The following TKFC variants were observed in gnomAD, a reference collection of about 807,000 sequenced individuals.
TKFC encodes triokinase and FMN cyclase, also known as triokinase/FMN cyclase.
A neutral mutation model predicts 61.0 loss-of-function variants in TKFC; 46 were observed. That is an observed-to-expected ratio of 0.75 (90% CI 0.60 to 0.96). The LOEUF (loss-of-function observed/expected upper bound fraction) is 0.96, where lower values mean the gene tolerates loss of function less well. Among genes scored for constraint, TKFC ranks in the 50% least tolerant of loss-of-function variants. The pLI is 0.00. For missense variants in TKFC, 715 were observed against 777.5 expected (o/e 0.92, Z 0.96); for synonymous variants, 314 against 330.1 (o/e 0.95, Z 0.53).
At chr11:61,342,722 G>A in intron 9 of TKFC, 33 bp from the exon 10 acceptor site, 1 of 1,613,886 alleles carries the variant, frequency 6.2e-7, no homozygotes, top group Non-Finnish European at 8.5e-7. Context: ...GACGCCCAGA[G>A]GGTCTCACCT....
intron 5 of TKFC, 134 bp downstream of exon 5, chr11:61,339,569 A>C: frequency 5.5e-5 from 57 of 1,037,182 alleles, no homozygotes; most frequent in Non-Finnish European, 7.5e-5. Flanking sequence ...CCCTGATCTC[A>C]GAAGGCCCCG....
chr11:61,339,497 G>A lies in TKFC; in HGVS notation c.486+62G>A, dbSNP rs975770381. On this transcript the variant is annotated intron_variant, in intron 5 of 17. Transcript: ENST00000394900. ...CTTTCCAGCCTTCCCTTGCCTGGCA[G>A]CACCCAGTAACTGGACCTTTCCAGC... is the stretch of plus-strand genomic sequence containing the variant. 1.4e-5 allele frequency: 22 copies of A among 1,524,112 alleles called. No homozygotes were observed. The Admixed American group carries it at 2.2e-4, about 15-fold the overall frequency. 94.4% of individuals were successfully genotyped at this position (1,524,112 alleles called of 1,614,324 possible).
Position 61,333,252 on chromosome 11 carries a change from A to G in TKFC, c.-187A>G. 1 of 313,080 alleles carries G rather than the reference A, an allele frequency of 3.2e-6. No homozygotes were observed. The highest frequency in any genetic ancestry group is 5.0e-5 in the Admixed American group (1 of 19,930). 19.4% of individuals were successfully genotyped at this position (313,080 alleles called of 1,614,324 possible). On this transcript the variant is annotated 5_prime_UTR_variant, in exon 1 of 18. Coordinates refer to ENST00000394900, the MANE Select transcript of TKFC (RefSeq NM_015533.4). ...CGCCAGCGCCCGCAGGACCCGGATG[A>G]GAGCGCACGCTTCGGGGTCTCCGGG...
At chr11:61,345,173 C>A in intron 13 of TKFC, 87 bp from the exon 14 acceptor site, 1 of 1,178,892 alleles carries the variant, frequency 8.5e-7, no homozygotes, top group Non-Finnish European at 1.2e-6. Flanking sequence ...CCCTGTCGGC[C>A]TTTTCCAGCC....
In TKFC at chr11:61,339,320, A is replaced by G. The variant is rs180855288; in HGVS notation, c.371A>G (p.Gln124Arg). 7.4e-6 allele frequency: 12 copies of G among 1,613,936 alleles called. No individual in the cohort carries two copies. In the East Asian group the frequency reaches 2.7e-4, roughly 36 times the overall value. Residue 124 changes from glutamine to arginine, a missense_variant, in exon 5 of 18, where the codon CAG becomes CGG. By Grantham distance (43) the Gln-to-Arg change is conservative. Transcript: ENST00000394900. ...DRLNFGLARE[Q>R]ARAEGIPVEM... ...CTCAACTTCGGCCTGGCCCGGGAGC[A>G]GGCCCGGGCTGAAGGCATCCCGGTG... is the stretch of plus-strand genomic sequence containing the variant.
chr11:61,336,708 C>T (rs1856620903), intron 2 of TKFC, among the ~76,000 whole-genome samples: 1 of 152,192 alleles, frequency 6.6e-6, no homozygotes, highest in African/African-American at 2.4e-5. Flanking sequence ...AGCCACACTC[C>T]ATTCTGGCCC....
In TKFC at chr11:61,347,471, CGAG is replaced by C; in HGVS notation, c.*970_*972del. 5 of 976,426 alleles carry C rather than the reference CGAG, an allele frequency of 5.1e-6. No individual in the cohort carries two copies. The highest frequency in any genetic ancestry group is 6.1e-6 in the Non-Finnish European group (5 of 823,168). The allele number at this position is 976,426 out of a possible 1,614,324, so 60.5% of individuals were successfully genotyped here. On this transcript the variant is annotated 3_prime_UTR_variant, in exon 18 of 18. Transcript: ENST00000394900. ...GGAGGATGGCTTGGGCCCAGGAGGT[CGAG>C]GCTGCGGTGAGCCATAAGCATGCCA...
At position 61,345,339 on chromosome 11, in the gene TKFC, G is replaced by A. The variant is rs376489836; in HGVS notation, c.1320G>A (p.Leu440=). ...QLLSKLSVLL[L]EKMGGSSGAL... ...TCTCCAAGTTGTCTGTCCTGCTCCT[G>A]GAGAAGATGGGAGGCTCATCTGGGG... is the stretch of plus-strand genomic sequence containing the variant. The change falls in exon 14 of 18, where the codon CTG becomes CTA. Residue 440 remains leucine, a synonymous_variant. Transcript: ENST00000394900. The A allele has an allele frequency of 1.7e-5, 28 of 1,604,070 alleles. No individual in the cohort carries two copies. In the African/African-American group the frequency reaches 2.9e-4, roughly 17 times the overall value.
At chr11:61,353,197 A>C, downstream of TKFC, 1 of 1,524,712 alleles carries the variant, frequency 6.6e-7, no homozygotes, top group Non-Finnish European at 8.8e-7. Flanking sequence ...AGCACATCCC[A>C]CCCCATCAGT....
chr11:61,337,096 A>G (rs1359390083), intron 2 of TKFC, among the ~76,000 whole-genome samples: 2 of 152,068 alleles, frequency 1.3e-5, no homozygotes, highest in Admixed American at 6.5e-5. Context: ...CCCACTACAC[A>G]TGGCTGTGAC....
Position 61,333,276 on chromosome 11 carries a change from G to A in TKFC, c.-163G>A. ...GAGAGCGCACGCTTCGGGGTCTCCGGGAAGTCGCGGCGCCTTCGGATGTGG... is the reference window on the plus strand; with the variant it reads ...GAGAGCGCACGCTTCGGGGTCTCCGAGAAGTCGCGGCGCCTTCGGATGTGG... On this transcript the variant is annotated 5_prime_UTR_variant, in exon 1 of 18. Coordinates refer to ENST00000394900, the MANE Select transcript of TKFC (RefSeq NM_015533.4). 1 of 265,080 alleles carries A rather than the reference G, an allele frequency of 3.8e-6. No homozygotes were observed. Among genetic ancestry groups the A allele is most frequent in the Non-Finnish European group, 7.1e-6 (1 of 141,100 alleles). The allele number at this position is 265,080 out of a possible 1,614,324, so 16.4% of individuals were successfully genotyped here.
rs1280396145 is a variant in TKFC, at chr11:61,338,037, C to CA, written c.101dup (p.His34GlnfsTer8). The CA allele has an allele frequency of 1.2e-6, 2 of 1,613,386 alleles. No homozygotes were observed. The highest frequency in any genetic ancestry group is 1.7e-6 in the Non-Finnish European group (2 of 1,179,920). On this transcript the variant is annotated frameshift_variant, in exon 3 of 18. Transcript: ENST00000394900. LOFTEE classifies it high-confidence loss of function. The stretch of plus-strand genomic sequence containing the variant: ...CCCCAACCTGCAGCTCCTGCAGGGC[C>CA]ACCGCGTGGCCCTCCGTTCTGACCT...
downstream of TKFC, chr11:61,353,177 G>T: frequency 6.4e-7 from 1 of 1,554,594 alleles, no homozygotes; most frequent in Non-Finnish European, 8.7e-7. Flanking sequence ...ACTGTGCTAT[G>T]TGTGACCAAA....
downstream of TKFC, chr11:61,353,253 A>C: frequency 2.3e-6 from 3 of 1,332,144 alleles, no homozygotes; most frequent in Non-Finnish European, 3.0e-6. Flanking sequence ...CACAACTCAA[A>C]CCTTCCCACC....
At chr11:61,353,021 A>T (rs776023766), downstream of TKFC, 2 of 1,614,156 alleles carry the variant, frequency 1.2e-6, no homozygotes, top group Non-Finnish European at 1.7e-6. Context: ...GCCCGAAATG[A>T]CGGATGCGAT....
downstream of TKFC, chr11:61,349,470 A>G (rs964666399): frequency 1.4e-6 from 1 of 690,734 alleles, no homozygotes; most frequent in Non-Finnish European, 2.7e-6. Context: ...TGATCCAGCA[A>G]GGAGAAGTAG....
chr11:61,351,062 G>T, downstream of TKFC: 1 of 1,614,014 alleles, frequency 6.2e-7, no homozygotes, highest in Non-Finnish European at 8.5e-7. Flanking sequence ...AGCACCAGCA[G>T]CCCAAAGGCC....
At chr11:61,338,224 C>T in intron 3 of TKFC, 94 bp downstream of exon 3, 2 of 1,272,746 alleles carry the variant, frequency 1.6e-6, no homozygotes, top group Non-Finnish European at 2.1e-6. Context: ...GGATGGAGCT[C>T]AGCCCAGAAT....
chr11:61,341,428 G>T lies in TKFC; in HGVS notation c.487-8G>T, dbSNP rs1198947496. 2 of 1,552,510 alleles carry T rather than the reference G, an allele frequency of 1.3e-6. No homozygotes were observed. Among genetic ancestry groups the T allele is most frequent in the African/African-American group, 2.7e-5 (2 of 73,142 alleles). ...CCCCCTGGGGCTTTTACCTCTTTGT[G>T]GCTGCAGGTGGCAGGTGCTCTGGCT... On this transcript the variant is annotated splice_region_variant and splice_polypyrimidine_tract_variant and intron_variant, in intron 5 of 17. Coordinates refer to ENST00000394900, the MANE Select transcript of TKFC (RefSeq NM_015533.4).
Sources: allele counts gnomAD v4.1 joint callset (sites outside exome capture counted in the v4.1 genomes callset), GRCh38; gene constraint gnomAD v4.1.1; transcripts MANE v1.5; gene names NCBI Gene and HGNC (gene_info 2026-07-23, HGNC 2026-07-21).